PLEKHO2: variants seen among roughly 807,000 people sequenced by gnomAD.
PLEKHO2 encodes the protein pleckstrin homology domain containing O2, also known as pleckstrin homology domain-containing family O member 2.
In PLEKHO2, 20 loss-of-function variants were observed where a neutral mutation model predicts 32.7. The observed-to-expected ratio is 0.61, with a 90% confidence interval of 0.43 to 0.89. The LOEUF (loss-of-function observed/expected upper bound fraction) is 0.89, where lower values mean the gene tolerates loss of function less well. PLEKHO2 is among the 40% of genes least tolerant of loss of function. PLEKHO2 has a pLI of 0.00. For synonymous variants in PLEKHO2, 247 were observed against 246.3 expected (o/e 1.00, Z -0.03); for missense variants, 568 against 621.2 (o/e 0.91, Z 0.91).
In PLEKHO2 at chr15:64,865,810, A is replaced by C. The variant is rs1190212345; in HGVS notation, c.1395A>C (p.Gly465=). ...TQVLQEMRDL[G]ELSQEAPGLR... is the part of the protein sequence containing the mutation. The stretch of plus-strand genomic sequence containing the variant: ...TCCTGCAGGAAATGAGAGATTTGGG[A>C]GAGCTGAGCCAGGAAGCACCTGGGC... The change falls in exon 6 of 6, where the codon GGA becomes GGC. Residue 465 remains glycine (G), a synonymous_variant. Transcript: ENST00000323544. 2.5e-6 allele frequency: 4 copies of C among 1,613,602 alleles called. No individual in the cohort carries two copies. The highest frequency in any genetic ancestry group is 3.4e-6 in the Non-Finnish European group (4 of 1,180,008).
At position 64,866,316 on chromosome 15, in the gene PLEKHO2, C is replaced by G. The variant is rs1222590307; in HGVS notation, c.*428C>G. ...AGCCCCCTGCAGCTCCCATCTCCAG[C>G]TATTCCTAGGCAAAGAGCCTCATGG... On this transcript the variant is annotated 3_prime_UTR_variant, in exon 6 of 6. Coordinates refer to ENST00000323544, the MANE Select transcript of PLEKHO2 (RefSeq NM_025201.5). 2 of 459,770 alleles carry G rather than the reference C, an allele frequency of 4.3e-6. No homozygotes were observed. The highest frequency in any genetic ancestry group is 1.4e-4 in the East Asian group (2 of 14,600). 28.5% of individuals were successfully genotyped at this position (459,770 alleles called of 1,614,324 possible).
rs1448034901 is a variant in PLEKHO2 at position 64,866,600 on chromosome 15, A to T, written c.*712A>T. ...TCAGTGAGCTATGATTGGAGGGCTTAGGTCTGGAGGATTCAAGAGTGGAAG... is the reference window on the plus strand; with the variant it reads ...TCAGTGAGCTATGATTGGAGGGCTTTGGTCTGGAGGATTCAAGAGTGGAAG... On this transcript the variant is annotated 3_prime_UTR_variant, in exon 6 of 6. Transcript: ENST00000323544. 2.9e-6 allele frequency: 1 copy of T among 339,652 alleles called. No homozygotes were observed. The highest frequency in any genetic ancestry group is 3.8e-5 in the Admixed American group (1 of 26,020). 21.0% of individuals were successfully genotyped at this position (339,652 alleles called of 1,614,324 possible). A position where few individuals can be genotyped will look rare whatever the true frequency, so the allele number is the denominator to read the frequency against.
chr15:64,858,318 T>C (rs2140343495), intron 3 of PLEKHO2, among the ~76,000 whole-genome samples: 1 of 152,214 alleles, frequency 6.6e-6, no homozygotes, highest in East Asian at 1.9e-4. Flanking sequence ...AATTATATAA[T>C]GAGGATGCTG....
chr15:64,842,033 G>GGGCGGGGCCC lies in PLEKHO2; in HGVS notation c.12+14_12+23dup, dbSNP rs2084487608. ...GGACTCGCCATGGAGGAGGAGGTGA[G>GGGCGGGGCCC]GGCGGGGCCCGGCGGGGCGTTGGGC... is the stretch of plus-strand genomic sequence containing the variant. On this transcript the variant is annotated splice_donor_region_variant and intron_variant, in intron 1 of 5. Coordinates refer to ENST00000323544, the MANE Select transcript of PLEKHO2 (RefSeq NM_025201.5). 8.1e-7 allele frequency: 1 copy of GGGCGGGGCCC among 1,240,002 alleles called. No individual in the cohort carries two copies. The highest frequency in any genetic ancestry group is 1.6e-5 in the African/African-American group (1 of 64,452). The allele number at this position is 1,240,002 out of a possible 1,614,324, so 76.8% of individuals were successfully genotyped here. A position where few individuals can be genotyped will look rare whatever the true frequency, so the allele number is the denominator to read the frequency against.
In PLEKHO2 at chr15:64,859,959, T is replaced by C. The variant is rs553052532; in HGVS notation, c.345T>C (p.Asn115=). 1.9e-6 allele frequency: 3 copies of C among 1,614,162 alleles called. No homozygotes were observed. The highest frequency in any genetic ancestry group is 2.7e-5 in the African/African-American group (2 of 75,040). The change falls in exon 4 of 6, where the codon AAT becomes AAC. Residue 115 remains asparagine (N), a synonymous_variant. Transcript: ENST00000323544. ...EEKESWIKAL[N]EGINRGKNKA... ...AGGAATCCTGGATCAAAGCCCTCAA[T>C]GAAGGGATTAACCGAGGCAAAAACA...
Position 64,864,919 on chromosome 15 carries a change from C to T in PLEKHO2, c.504C>T (p.Asp168=), listed in dbSNP as rs752840837. Residue 168 remains aspartate (D), a synonymous_variant, in exon 6 of 6, where the codon GAC becomes GAT. Transcript: ENST00000323544. ...HLKEVASAAS[D]GLLRLDLDVP... is the part of the protein sequence containing the mutation. ...ACCAGGTGGCCAGTGCAGCTTCTGA[C>T]GGTCTTCTGCGCCTGGATCTTGATG... 18 of 1,609,190 alleles carry T rather than the reference C, an allele frequency of 1.1e-5. No individual in the cohort carries two copies. The highest frequency in any genetic ancestry group is 1.7e-4 in the Middle Eastern group (1 of 6,050).
intron 1 of PLEKHO2, among the ~76,000 whole-genome samples, chr15:64,846,624 G>A (rs1490713124): frequency 6.6e-6 from 1 of 152,180 alleles, no homozygotes; most frequent in South Asian, 2.1e-4. Flanking sequence ...AAGACCCTGG[G>A]AAGATCATTT....
rs942313025 is a variant in PLEKHO2, at chr15:64,866,447, C to G, written c.*559C>G. ...TCCCTCAGTTGGGGGGAACGTAGGA[C>G]CCAGCTGGAGCCTCTTGAGGGAGAT... On this transcript the variant is annotated 3_prime_UTR_variant, in exon 6 of 6. Coordinates refer to ENST00000323544, the MANE Select transcript of PLEKHO2 (RefSeq NM_025201.5). 2.2e-6 allele frequency: 1 copy of G among 455,508 alleles called. No homozygotes were observed. Among genetic ancestry groups the G allele is most frequent in the East Asian group, 7.0e-5 (1 of 14,380 alleles). The allele number at this position is 455,508 out of a possible 1,614,324, so 28.2% of individuals were successfully genotyped here. A position where few individuals can be genotyped will look rare whatever the true frequency, so the allele number is the denominator to read the frequency against.
chr15:64,865,148 CA>C lies in PLEKHO2; in HGVS notation c.735del (p.Glu246ArgfsTer25). The stretch of plus-strand genomic sequence containing the variant: ...AAGCTCTGAGGTCTCCCCTGAGAGC[CA>C]AGAGGACTCAGAGACCCCAGCAGAG... The part of the protein sequence containing the change: ...SASSEVSPES[Q>X]EDSETPAEED... On this transcript the variant is annotated frameshift_variant, in exon 6 of 6. Coordinates refer to ENST00000323544, the MANE Select transcript of PLEKHO2 (RefSeq NM_025201.5). LOFTEE classifies it low-confidence loss of function (END_TRUNC). The C allele has an allele frequency of 6.2e-7, 1 of 1,614,132 alleles. No homozygotes were observed. The highest frequency in any genetic ancestry group is 8.5e-7 in the Non-Finnish European group (1 of 1,180,012).
At position 64,842,027 on chromosome 15, in the gene PLEKHO2, A is replaced by C. The variant is rs1430588343; in HGVS notation, c.11A>C (p.Glu4Ala). The change falls in exon 1 of 6, where the codon GAG (glutamate) becomes GCG (alanine). Residue 4 changes from glutamate (E) to alanine (A), a missense_variant and splice_region_variant. Physicochemically the swap from Glu to Ala is moderately radical, Grantham distance 107. Coordinates refer to ENST00000323544, the MANE Select transcript of PLEKHO2 (RefSeq NM_025201.5). ...CTCGGCGGACTCGCCATGGAGGAGGAGGTGAGGGCGGGGCCCGGCGGGGCG... is the reference window on the plus strand; with the variant it reads ...CTCGGCGGACTCGCCATGGAGGAGGCGGTGAGGGCGGGGCCCGGCGGGGCG... MEE[E>A]GVKEAGEKPR... 4.8e-6 allele frequency: 6 copies of C among 1,241,246 alleles called. No homozygotes were observed. The highest frequency in any genetic ancestry group is 6.0e-6 in the Non-Finnish European group (6 of 992,686). 76.9% of individuals were successfully genotyped at this position (1,241,246 alleles called of 1,614,324 possible).
intron 1 of PLEKHO2, 97 bp from the exon 2 acceptor site, chr15:64,848,496 C>A (rs2084539803): frequency 2.1e-6 from 3 of 1,418,222 alleles, no homozygotes; most frequent in Admixed American, 3.7e-5. Context: ...TCATTAGGTA[C>A]TTAGCCTAGG....
chr15:64,863,551 G>GTGTC (rs1417359144), intron 5 of PLEKHO2, among the ~76,000 whole-genome samples: 1 of 147,068 alleles, frequency 6.8e-6, no homozygotes, highest in African/African-American at 2.5e-5. Flanking sequence ...GTGTGTGTGT[G>GTGTC]TGGTGTGTTA....
intron 2 of PLEKHO2, among the ~76,000 whole-genome samples, chr15:64,849,923 G>A (rs1035641485): frequency 6.6e-6 from 1 of 151,582 alleles, no homozygotes; most frequent in African/African-American, 2.4e-5. Flanking sequence ...CACTTTGGGA[G>A]GCCGAGGCAG....
At chr15:64,843,754 A>G (rs1388503764) in intron 1 of PLEKHO2, among the ~76,000 whole-genome samples, 1 of 151,538 alleles carries the variant, frequency 6.6e-6, no homozygotes, top group African/African-American at 2.4e-5. Flanking sequence ...CTAATTTTGT[A>G]TTTTTAGTAG....
intron 5 of PLEKHO2, among the ~76,000 whole-genome samples, chr15:64,862,932 CCCA>C (rs2084653319): frequency 6.8e-6 from 1 of 148,120 alleles, no homozygotes; most frequent in South Asian, 2.2e-4. Flanking sequence ...CCCCTCTCCC[CCCA>C]CCTCTTTTTT....
chr15:64,847,888 G>A (rs2084534795), intron 1 of PLEKHO2, among the ~76,000 whole-genome samples: 1 of 152,210 alleles, frequency 6.6e-6, no homozygotes, highest in South Asian at 2.1e-4. Context: ...AAGCATAGCG[G>A]TAGAGAGGCA....
At chr15:64,844,281 G>T (rs2084507346) in intron 1 of PLEKHO2, among the ~76,000 whole-genome samples, 1 of 152,204 alleles carries the variant, frequency 6.6e-6, no homozygotes, top group South Asian at 2.1e-4. Flanking sequence ...CAGGCTGGTA[G>T]CTCTTGTCAG....
At chr15:64,861,970 G>T (rs115778341) in intron 5 of PLEKHO2, among the ~76,000 whole-genome samples, 1 of 152,186 alleles carries the variant, frequency 6.6e-6, no homozygotes, top group African/African-American at 2.4e-5. Context: ...TAGGAGGTCA[G>T]GGCAGGAGGG....
At chr15:64,862,856 C>A (rs978698457) in intron 5 of PLEKHO2, among the ~76,000 whole-genome samples, 1 of 151,770 alleles carries the variant, frequency 6.6e-6, no homozygotes, top group Non-Finnish European at 1.5e-5. Context: ...ATACATGTGC[C>A]ATGCTGGTGT....
Sources: gnomAD v4.1 joint callset for allele counts (sites outside exome capture counted in the v4.1 genomes callset) on GRCh38, gnomAD v4.1.1 for gene constraint, MANE v1.5 for transcripts, NCBI Gene and HGNC (gene_info 2026-07-23, HGNC 2026-07-21) for gene names.